The following RANBP2 variants were observed in gnomAD, a reference collection of about 807,000 sequenced individuals.
RANBP2 encodes the protein RAN binding protein 2.
Under a neutral mutation model 303.6 loss-of-function variants are expected in RANBP2, and 57 were observed. The ratio of observed to expected loss-of-function variants is 0.19; its 90% CI spans 0.15 to 0.23. The LOEUF is 0.23. RANBP2 is among the 10% of genes least tolerant of loss of function. The pLI is 1.00. For synonymous variants in RANBP2, 1,167 were observed against 1,301.5 expected, an observed-to-expected ratio of 0.90 and a Z score of 2.23; for missense variants, 3,138 against 3,780.8, an observed-to-expected ratio of 0.83 and a Z score of 4.46.
At chr2:108,892,013 C>T in the RANBP2 span, among the ~76,000 whole-genome samples, 2 of 152,078 alleles carry the variant, frequency 1.3e-5, no homozygotes, top group Non-Finnish European at 2.9e-5. Flanking sequence ...CTGGGCTGTG[C>T]AGGTTTGTGC....
the RANBP2 span, among the ~76,000 whole-genome samples, chr2:109,620,168 TC>T: frequency 2.6e-5 from 4 of 152,308 alleles, no homozygotes; most frequent in South Asian, 8.3e-4. Flanking sequence ...TCAGTAAGGG[TC>T]TTTTAATGGA....
At chr2:108,836,314 C>A in the RANBP2 span, among the ~76,000 whole-genome samples, 1 of 152,136 alleles carries the variant, frequency 6.6e-6, no homozygotes, top group Admixed American at 6.5e-5. Context: ...AAGGTTCGTC[C>A]ATGTTGTAGC....
the RANBP2 span, among the ~76,000 whole-genome samples, chr2:108,919,533 T>G: frequency 6.6e-6 from 1 of 152,112 alleles, no homozygotes; most frequent in Non-Finnish European, 1.5e-5. Context: ...TAATTTTGTA[T>G]TTTTAGTAGA....
the RANBP2 span, among the ~76,000 whole-genome samples, chr2:109,109,163 A>G: frequency 6.6e-6 from 1 of 152,222 alleles, no homozygotes; most frequent in Non-Finnish European, 1.5e-5. Context: ...TGTGTTCAGT[A>G]TGTCTTCTGA....
the RANBP2 span, among the ~76,000 whole-genome samples, chr2:109,653,319 T>C: frequency 6.6e-6 from 1 of 151,108 alleles, no homozygotes. Context: ...CACTTGAACC[T>C]GGGAGGCAGA....
chr2:109,739,702 T>G, the RANBP2 span, among the ~76,000 whole-genome samples: 1 of 152,090 alleles, frequency 6.6e-6, no homozygotes, highest in Non-Finnish European at 1.5e-5. Flanking sequence ...TTTCCAATTT[T>G]GATGTCCTTT....
chr2:108,887,187 G>A, the RANBP2 span, among the ~76,000 whole-genome samples: 1 of 116,016 alleles, frequency 8.6e-6, no homozygotes, highest in Non-Finnish European at 1.8e-5. Flanking sequence ...AGATCACTTG[G>A]CCATAAATAT....
the RANBP2 span, among the ~76,000 whole-genome samples, chr2:108,867,130 T>C: frequency 6.6e-6 from 1 of 152,116 alleles, no homozygotes; most frequent in Non-Finnish European, 1.5e-5. Context: ...TATATATGTA[T>C]AATTTATATA....
chr2:108,735,795 A>C (rs1470681954), intron 5 of RANBP2, 33 bp downstream of exon 5: 1 of 1,597,464 alleles, frequency 6.3e-7, no homozygotes, highest in African/African-American at 1.3e-5. Context: ...TTACATTTCT[A>C]TGTAGGCAAT....
chr2:108,865,949 A>G, the RANBP2 span, among the ~76,000 whole-genome samples: 1 of 152,160 alleles, frequency 6.6e-6, no homozygotes, highest in African/African-American at 2.4e-5. Flanking sequence ...AACTTTGGAC[A>G]TTAGACACAT....
chr2:109,410,026 G>A, the RANBP2 span, among the ~76,000 whole-genome samples: 5 of 152,226 alleles, frequency 3.3e-5, no homozygotes, highest in South Asian at 1.0e-3. Flanking sequence ...GCCTGCCAAC[G>A]CCCAGACCCT....
chr2:109,582,445 G>A, the RANBP2 span, among the ~76,000 whole-genome samples: 4 of 151,956 alleles, frequency 2.6e-5, no homozygotes, highest in East Asian at 5.8e-4. Flanking sequence ...TCAGCCTCCC[G>A]AGTAGCTGGC....
chr2:109,553,102 T>C, the RANBP2 span: 1 of 1,612,804 alleles, frequency 6.2e-7, no homozygotes, highest in African/African-American at 1.3e-5. Context: ...TCTCAGCTTC[T>C]TTCAATATGG....
chr2:109,402,276 C>T, the RANBP2 span, among the ~76,000 whole-genome samples: 1,809 of 152,376 alleles, frequency 0.012, 22 homozygotes, highest in Middle Eastern at 0.024. Flanking sequence ...GCAGCCAAGG[C>T]GAGCCAGACT....
At chr2:108,952,866 A>T in the RANBP2 span, among the ~76,000 whole-genome samples, 56 of 152,328 alleles carry the variant, frequency 3.7e-4, no homozygotes, top group South Asian at 6.2e-4. Flanking sequence ...TTACTGGAAG[A>T]TCCTCCCAAA....
At chr2:109,290,883 A>G in the RANBP2 span, among the ~76,000 whole-genome samples, 1 of 152,224 alleles carries the variant, frequency 6.6e-6, no homozygotes, top group Non-Finnish European at 1.5e-5. Context: ...CTTCATGTAT[A>G]TATTCTCTTC....
chr2:108,939,290 G>A, the RANBP2 span, among the ~76,000 whole-genome samples: 1 of 151,690 alleles, frequency 6.6e-6, no homozygotes, highest in African/African-American at 2.4e-5. Flanking sequence ...AGGTTCCAGT[G>A]ATTCTCCTGC....
the RANBP2 span, among the ~76,000 whole-genome samples, chr2:109,526,812 C>T: frequency 6.6e-6 from 1 of 152,134 alleles, no homozygotes; most frequent in Non-Finnish European, 1.5e-5. Context: ...TGGTGAATTC[C>T]TATTCAACCC....
chr2:109,063,351 C>T, the RANBP2 span, among the ~76,000 whole-genome samples: 3 of 152,134 alleles, frequency 2.0e-5, no homozygotes, highest in Admixed American at 1.3e-4. Flanking sequence ...CCTGGGTTTT[C>T]TTTTCTCTCC....
Sources: gnomAD v4.1 joint callset for allele counts (sites outside exome capture counted in the v4.1 genomes callset) on GRCh38, gnomAD v4.1.1 for gene constraint, MANE v1.5 for transcripts, NCBI Gene and HGNC (gene_info 2026-07-23, HGNC 2026-07-21) for gene names.